MED16: variants seen among roughly 807,000 people sequenced by gnomAD.
MED16 encodes the protein mediator complex subunit 16.
A neutral mutation model predicts 84.4 loss-of-function variants in MED16; 81 were observed. That is an observed-to-expected ratio of 0.96 (90% CI 0.80 to 1.15). The LOEUF (loss-of-function observed/expected upper bound fraction) is 1.15, where lower values mean the gene tolerates loss of function less well. Ranked by LOEUF, MED16 falls within the 50% of genes most tolerant of loss-of-function variation. The pLI, the probability that MED16 is intolerant of heterozygous loss-of-function variation, is 0.00. For missense variants in MED16, 1,585 were observed against 1,245.9 expected (o/e 1.27, Z -4.10); for synonymous variants, 897 against 552.2 (o/e 1.62, Z -8.76).
At chr19:882,722 C>T (rs1050867758) in intron 6 of MED16, among the ~76,000 whole-genome samples, 15 of 152,252 alleles carry the variant, frequency 9.9e-5, no homozygotes, top group African/African-American at 3.1e-4. Context: ...GAAACAGAAA[C>T]AGTGCAGGGC....
At chr19:884,753 T>C in intron 6 of MED16, 150 bp downstream of exon 6, 1 of 645,152 alleles carries the variant, frequency 1.6e-6, no homozygotes, top group Non-Finnish European at 2.8e-6. Context: ...ACACCCGAGA[T>C]CCTAGCACTA....
chr19:873,387 G>A (rs543693287), intron 11 of MED16, 62 bp downstream of exon 11: 1,859 of 1,547,908 alleles, frequency 1.2e-3, no homozygotes, highest in Non-Finnish European at 1.5e-3. Flanking sequence ...GCAGGGAAGC[G>A]GGGTCCTGAT....
At chr19:878,493 G>C (rs74372962) in intron 8 of MED16, among the ~76,000 whole-genome samples, 623 of 7,332 alleles carry the variant, frequency 0.085, no homozygotes, top group African/African-American at 0.12. Context: ...GGCTGTCAAT[G>C]CCCACCAGCC....
intron 9 of MED16, among the ~76,000 whole-genome samples, chr19:876,532 G>A (rs1298611990): frequency 6.6e-6 from 1 of 152,094 alleles, no homozygotes; most frequent in Non-Finnish European, 1.5e-5. Context: ...TACCTGTGGG[G>A]CTTAACGTGT....
At chr19:874,620 C>A (rs181989679) in intron 10 of MED16, among the ~76,000 whole-genome samples, 4 of 152,158 alleles carry the variant, frequency 2.6e-5, no homozygotes, top group Admixed American at 2.6e-4. Flanking sequence ...GGCCTGGGAG[C>A]GTCTCAGCCC....
Position 880,105 on chromosome 19 carries a change from G to A in MED16, c.1185C>T (p.His395=). Reference sequence around the variant, plus strand: ...CGGCCATGGTCTGCAGTGAGAGCCGGTGCACGATGTGGACGCTGCCGTCGT... The same window carrying A: ...CGGCCATGGTCTGCAGTGAGAGCCGATGCACGATGTGGACGCTGCCGTCGT... The part of the protein sequence containing the change: ...AFHDGSVHIV[H]RLSLQTMAVF... Residue 395 remains histidine (H), a synonymous_variant, in exon 8 of 16, where the codon CAC becomes CAT. Coordinates refer to ENST00000325464, the MANE Select transcript of MED16 (RefSeq NM_005481.3). 1 of 1,610,608 alleles carries A rather than the reference G, an allele frequency of 6.2e-7. No individual in the cohort carries two copies.
At chr19:871,390 G>A (rs191841923) in intron 12 of MED16, 137 bp from the exon 13 acceptor site, 80 of 1,302,500 alleles carry the variant, frequency 6.1e-5, no homozygotes, top group South Asian at 4.4e-4. Flanking sequence ...GGGTGACCCC[G>A]GGGTTCTCTC....
At chr19:886,328 T>G in intron 4 of MED16, 127 bp from the exon 5 acceptor site, 1 of 803,512 alleles carries the variant, frequency 1.2e-6, no homozygotes, top group Non-Finnish European at 1.8e-6. Context: ...GTTCAGATCC[T>G]GACTCGGCCA....
rs370259999 is a variant in MED16 at position 873,438 on chromosome 19, G to C, written c.1905+11C>G. On this transcript the variant is annotated intron_variant, in intron 11 of 15. Coordinates refer to ENST00000325464, the MANE Select transcript of MED16 (RefSeq NM_005481.3). ...GTGGGGGGCGGGGCCTTAGGGGAGA[G>C]CATGGCGCACCTGGTTGGGTAGGCT... 1.2e-6 allele frequency: 2 copies of C among 1,605,234 alleles called. No individual in the cohort carries two copies. Among genetic ancestry groups the C allele is most frequent in the Non-Finnish European group, 1.7e-6 (2 of 1,179,404 alleles).
chr19:876,959 G>GCCACGGGGCCCCACCTA lies in MED16; in HGVS notation c.1560+14_1560+15insTAGGTGGGGCCCCGTGG, dbSNP rs772332785. 3.2e-5 allele frequency: 52 copies of GCCACGGGGCCCCACCTA among 1,603,920 alleles called. No homozygotes were observed. The African/African-American group carries it at 5.8e-4, about 18-fold the overall frequency. On this transcript the variant is annotated intron_variant, in intron 9 of 15. Coordinates refer to ENST00000325464, the MANE Select transcript of MED16 (RefSeq NM_005481.3). ...CCCCACCTGCCACGGGGCCCCACCT[G>GCCACGGGGCCCCACCTA]CCACGGGCCCCCACCTGCTGCAGGG...
chr19:875,223 C>T (rs751649566), intron 10 of MED16, 21 bp downstream of exon 10: 33 of 1,533,126 alleles, frequency 2.2e-5, no homozygotes, highest in Middle Eastern at 1.8e-4. Flanking sequence ...CTCGAGGCCC[C>T]GGGCGTGGAA....
chr19:890,247 G>A lies in MED16; in HGVS notation c.170-3C>T. On this transcript the variant is annotated splice_region_variant and splice_polypyrimidine_tract_variant and intron_variant, in intron 2 of 15. Transcript: ENST00000325464. ...GATGTGGATCATGCGGGTCAGGTCT[G>A]TGGGGACGGGGCATGGTCAGCACGG... 6.5e-7 allele frequency: 1 copy of A among 1,537,050 alleles called. No individual in the cohort carries two copies. Among genetic ancestry groups the A allele is most frequent in the African/African-American group, 1.4e-5 (1 of 72,730 alleles).
At chr19:891,222 G>T in intron 1 of MED16, 73 bp from the exon 2 acceptor site, 2 of 1,443,544 alleles carry the variant, frequency 1.4e-6, no homozygotes, top group Non-Finnish European at 1.9e-6. Context: ...CAGGCCAGAA[G>T]TGGGAAAACA....
At chr19:868,272 A>T in intron 15 of MED16, 21 bp from the exon 16 acceptor site, 1 of 1,589,778 alleles carries the variant, frequency 6.3e-7, no homozygotes, top group Non-Finnish European at 8.5e-7. Context: ...GGCTGAGGTT[A>T]ACCGCGCCGA....
intron 10 of MED16, among the ~76,000 whole-genome samples, chr19:874,750 G>C (rs896863820): frequency 6.6e-6 from 1 of 152,096 alleles, no homozygotes; most frequent in African/African-American, 2.4e-5. Flanking sequence ...GCACGTGTCT[G>C]TAATCCCAGC....
At chr19:887,123 G>A (rs1017820897) in intron 4 of MED16, among the ~76,000 whole-genome samples, 5 of 151,928 alleles carry the variant, frequency 3.3e-5, no homozygotes, top group African/African-American at 1.2e-4. Context: ...TCTACGTTGT[G>A]AAAAAATGCG....
At position 883,932 on chromosome 19, in the gene MED16, G is replaced by T. The variant is rs561849865; in HGVS notation, c.985+971C>A. ...GGCAGCAGCCCTCTTCACCTGCCTG[G>T]TGACTCACTACAAGCCCTGGGGGAA... On this transcript the variant is annotated intron_variant, in intron 6 of 15. Coordinates refer to ENST00000325464, the MANE Select transcript of MED16 (RefSeq NM_005481.3). 2.0e-5 allele frequency among the ~76,000 whole-genome samples: 3 copies of T among 152,264 alleles called. No individual in the cohort carries two copies. In the South Asian group the frequency reaches 6.2e-4, roughly 32 times the overall value.
intron 9 of MED16, among the ~76,000 whole-genome samples, chr19:876,479 T>C (rs2036232456): frequency 6.6e-6 from 1 of 152,082 alleles, no homozygotes; most frequent in South Asian, 2.1e-4. Flanking sequence ...ACCTCCAGAC[T>C]GGGAACACTG....
At position 875,364 on chromosome 19, in the gene MED16, G is replaced by A. The variant is rs148896515; in HGVS notation, c.1651C>T (p.Leu551Phe). Reference sequence around the variant, plus strand: ...GTGGAGCTGATGGCGATGAGGAAGAGCTTGGTGTGGTAGTCGCACACGCGG... The same window carrying A: ...GTGGAGCTGATGGCGATGAGGAAGAACTTGGTGTGGTAGTCGCACACGCGG... ...VTRVCDYHTK[L>F]FLIAISSTLK... The change falls in exon 10 of 16, where the codon CTC (leucine) becomes TTC (phenylalanine). Residue 551 changes from leucine to phenylalanine, a missense_variant. Transcript: ENST00000325464. The A allele has an allele frequency of 9.9e-6, 16 of 1,610,124 alleles. No individual in the cohort carries two copies. The highest frequency in any genetic ancestry group is 1.3e-5 in the Non-Finnish European group (15 of 1,179,760).
Sources: allele counts gnomAD v4.1 joint callset (sites outside exome capture counted in the v4.1 genomes callset), GRCh38; gene constraint gnomAD v4.1.1; transcripts MANE v1.5; gene names NCBI Gene and HGNC (gene_info 2026-07-23, HGNC 2026-07-21).